The following LNX1 variants were observed in gnomAD, a reference collection of about 807,000 sequenced individuals.
The protein encoded by LNX1 is E3 ubiquitin-protein ligase LNX.
Under a neutral mutation model 68.4 loss-of-function variants are expected in LNX1, and 54 were observed. That is an observed-to-expected ratio of 0.79 (90% CI 0.63 to 0.99). LNX1 has a LOEUF of 0.99. LNX1 is among the 50% of genes least tolerant of loss of function. The pLI is 0.00. For missense variants in LNX1, 906 were observed against 926.4 expected (o/e 0.98, Z 0.29); for synonymous variants, 336 against 350.0 (o/e 0.96, Z 0.45).
rs369615830 is a variant in LNX1, at chr4:53,541,610, T to C, written c.380+32013A>G. ...TTAGGATCACTGAATAGTTCTGACT[T>C]GAGACAAGAACAATATAAGGCCAAG... On this transcript the variant is annotated intron_variant, in intron 2 of 10. Coordinates refer to ENST00000263925, the MANE Select transcript of LNX1 (RefSeq NM_001126328.3). Among the ~76,000 whole-genome samples the C allele has an allele frequency of 1.3e-4, 20 of 152,228 alleles. 1 individual carries two copies. In the South Asian group the frequency reaches 1.9e-3, roughly 14 times the overall value.
At chr4:53,626,646 A>G (rs1353517058) in intron 1 of LNX1, among the ~76,000 whole-genome samples, 1 of 152,220 alleles carries the variant, frequency 6.6e-6, no homozygotes, top group Non-Finnish European at 1.5e-5. Flanking sequence ...ACAGAAAGTT[A>G]CATCTCTTCT....
chr4:53,559,649 T>A (rs1730142162), intron 2 of LNX1, among the ~76,000 whole-genome samples: 1 of 152,164 alleles, frequency 6.6e-6, no homozygotes, highest in African/African-American at 2.4e-5. Context: ...AATGTTATTG[T>A]ATTTTATTTT....
intron 9 of LNX1, among the ~76,000 whole-genome samples, chr4:53,475,527 GA>G (rs1723506750): frequency 6.6e-6 from 1 of 152,190 alleles, no homozygotes; most frequent in Admixed American, 6.5e-5. Flanking sequence ...TGTAAAAAGA[GA>G]GAGAGACTTA....
upstream of LNX1, chr4:53,591,843 G>A (rs1732522277): frequency 6.6e-6 from 1 of 152,312 alleles, no homozygotes; most frequent in Non-Finnish European, 1.5e-5. Context: ...GAGTTAAAAG[G>A]GAAGTTTAAA....
intron 9 of LNX1, among the ~76,000 whole-genome samples, chr4:53,468,773 T>G (rs1047084591): frequency 2.3e-4 from 35 of 152,174 alleles, no homozygotes; most frequent in Non-Finnish European, 2.9e-5. Context: ...AGGGATCAAT[T>G]CAACAAGAAG....
At chr4:53,595,721 AG>A (rs753880231), upstream of LNX1, among the ~76,000 whole-genome samples, 1 of 152,146 alleles carries the variant, frequency 6.6e-6, no homozygotes, top group African/African-American at 2.4e-5. Flanking sequence ...GGGAAATCTA[AG>A]GGGGGAAGGA....
At chr4:53,488,415 AC>A (rs1304302680) in intron 6 of LNX1, among the ~76,000 whole-genome samples, 4 of 152,132 alleles carry the variant, frequency 2.6e-5, no homozygotes, top group African/African-American at 9.7e-5. Flanking sequence ...AGTTTTTTCC[AC>A]ATTAAATATC....
At chr4:53,573,401 C>T (rs1731283932) in intron 2 of LNX1, among the ~76,000 whole-genome samples, 1 of 152,216 alleles carries the variant, frequency 6.6e-6, no homozygotes, top group South Asian at 2.1e-4. Flanking sequence ...CTTTATGTTA[C>T]ATTTTATTAG....
intron 2 of LNX1, among the ~76,000 whole-genome samples, chr4:53,611,323 G>T (rs1733487537): frequency 6.6e-6 from 1 of 152,126 alleles, no homozygotes; most frequent in African/African-American, 2.4e-5. Context: ...TGCAAAAGGA[G>T]AAATGAAGAA....
intron 1 of LNX1, among the ~76,000 whole-genome samples, chr4:53,643,964 C>T (rs1734786112): frequency 6.6e-6 from 1 of 152,158 alleles, no homozygotes; most frequent in Admixed American, 6.5e-5. Context: ...CACTCAGCCA[C>T]AGTTGGTGTA....
chr4:53,600,239 C>G (rs1387921157), intron 2 of LNX1, among the ~76,000 whole-genome samples: 1 of 152,154 alleles, frequency 6.6e-6, no homozygotes. Flanking sequence ...ATTCTTCAAA[C>G]TTTTTCCCAA....
chr4:53,483,157 G>C (rs1724058225), intron 6 of LNX1, among the ~76,000 whole-genome samples: 1 of 152,148 alleles, frequency 6.6e-6, no homozygotes, highest in Admixed American at 6.5e-5. Flanking sequence ...TCTCGAGATA[G>C]TAAGTCTCAC....
intron 2 of LNX1, among the ~76,000 whole-genome samples, chr4:53,570,664 T>TAATAAATAAATAAATAAATA (rs200529974): frequency 7.0e-6 from 1 of 143,688 alleles, no homozygotes; most frequent in East Asian, 2.0e-4. Context: ...TAAAGTATAA[T>TAATAAATAAATAAATAAATA]AATAAATAAA....
intron 1 of LNX1, among the ~76,000 whole-genome samples, chr4:53,641,197 G>A (rs1455737282): frequency 3.0e-5 from 4 of 134,938 alleles, no homozygotes; most frequent in African/African-American, 8.0e-5. Flanking sequence ...CTGTTCTGGG[G>A]AAGGGCGGGG....
At chr4:53,507,964 G>T (rs760782844) in intron 3 of LNX1, 22 bp downstream of exon 3, 6 of 1,602,544 alleles carry the variant, frequency 3.7e-6, no homozygotes, top group Admixed American at 1.7e-5. Context: ...CCCATTCCCG[G>T]ACAACCACCC....
At chr4:53,532,717 C>G (rs1728104773) in intron 2 of LNX1, among the ~76,000 whole-genome samples, 1 of 152,190 alleles carries the variant, frequency 6.6e-6, no homozygotes, top group African/African-American at 2.4e-5. Flanking sequence ...TGAGAGCATT[C>G]AAATCATTCT....
At chr4:53,508,418 T>C (rs559495625) in intron 2 of LNX1, 191 bp from the exon 3 acceptor site, 11 of 659,782 alleles carry the variant, frequency 1.7e-5, no homozygotes, top group Middle Eastern at 4.2e-4. Context: ...ACCAAGTGAA[T>C]TCATAATTTG....
intron 2 of LNX1, among the ~76,000 whole-genome samples, chr4:53,608,462 G>T (rs1286157362): frequency 6.6e-6 from 1 of 152,032 alleles, no homozygotes; most frequent in East Asian, 1.9e-4. Flanking sequence ...GTCAAAAATA[G>T]CAGAAGCTGG....
intron 1 of LNX1, among the ~76,000 whole-genome samples, chr4:53,589,442 CT>C (rs752610421): frequency 1.3e-5 from 2 of 152,210 alleles, no homozygotes; most frequent in African/African-American, 2.4e-5. Context: ...CACATATGAT[CT>C]TTATCTTGAT....
Sources: gnomAD v4.1 joint callset for allele counts (sites outside exome capture counted in the v4.1 genomes callset) on GRCh38, gnomAD v4.1.1 for gene constraint, MANE v1.5 for transcripts, NCBI Gene and HGNC (gene_info 2026-07-23, HGNC 2026-07-21) for gene names.